The following PDLIM1 variants were observed in gnomAD, a reference collection of about 807,000 sequenced individuals.
The protein encoded by PDLIM1 is PDZ and LIM domain protein 1.
PDLIM1 carries 25 observed loss-of-function variants against 35.2 expected under a neutral mutation model. The ratio of observed to expected loss-of-function variants is 0.71; its 90% CI spans 0.52 to 0.99. The LOEUF (loss-of-function observed/expected upper bound fraction) is 0.99. PDLIM1 is among the 50% of genes least tolerant of loss of function. The pLI is 0.00. For missense variants in PDLIM1, 363 were observed against 415.3 expected (o/e 0.87, Z 1.09); for synonymous variants, 152 against 154.0 (o/e 0.99, Z 0.10).
At chr10:95,274,067 G>A (rs1282060955) in intron 1 of PDLIM1, among the ~76,000 whole-genome samples, 2 of 152,096 alleles carry the variant, frequency 1.3e-5, no homozygotes, top group Non-Finnish European at 2.9e-5. Context: ...GTCCCCTTAG[G>A]ATGAAATCCA....
At chr10:95,256,460 G>A (rs1241721174) in intron 4 of PDLIM1, among the ~76,000 whole-genome samples, 2 of 152,142 alleles carry the variant, frequency 1.3e-5, no homozygotes, top group African/African-American at 4.8e-5. Context: ...CAAAGCTACA[G>A]TAATCAAAAC....
chr10:95,273,724 C>G (rs989953884), intron 1 of PDLIM1, among the ~76,000 whole-genome samples: 1 of 152,172 alleles, frequency 6.6e-6, no homozygotes, highest in Admixed American at 6.5e-5. Flanking sequence ...TGGGACAGGA[C>G]TTTTTATCCA....
intron 5 of PDLIM1, among the ~76,000 whole-genome samples, chr10:95,241,673 G>A (rs539628748): frequency 6.6e-6 from 1 of 152,310 alleles, no homozygotes. Context: ...TTTAGCCAAC[G>A]TGAGCAGATG....
intron 1 of PDLIM1, among the ~76,000 whole-genome samples, chr10:95,285,245 G>A (rs2035592873): frequency 1.3e-5 from 2 of 152,112 alleles, no homozygotes; most frequent in Non-Finnish European, 2.9e-5. Flanking sequence ...GGGAAGGGAG[G>A]TGCTGCTTTC....
At chr10:95,288,900 G>A (rs1196978288) in intron 1 of PDLIM1, among the ~76,000 whole-genome samples, 1 of 152,164 alleles carries the variant, frequency 6.6e-6, no homozygotes, top group Non-Finnish European at 1.5e-5. Context: ...TGAGGCGTTT[G>A]CACAGTTTCT....
At chr10:95,271,806 G>A in intron 1 of PDLIM1, 22 bp from the exon 2 acceptor site, 1 of 1,603,958 alleles carries the variant, frequency 6.2e-7, no homozygotes, top group East Asian at 2.2e-5. Flanking sequence ...GGGGAAAGCA[G>A]GCTAGTTACT....
At position 95,249,287 on chromosome 10, in the gene PDLIM1, C is replaced by A. The variant is rs2035248219; in HGVS notation, c.534-1921G>T. Among the ~76,000 whole-genome samples, 3 of 152,246 alleles carry A rather than the reference C, an allele frequency of 2.0e-5. No homozygotes were observed. The South Asian group carries it at 6.2e-4, about 31-fold the overall frequency. ...GTTGTGCCAGGGACATGGGCAGCCC[C>A]ACCTCCTGGCCCCAGATCACCACCT... On this transcript the variant is annotated intron_variant, in intron 4 of 6. Coordinates refer to ENST00000329399, the MANE Select transcript of PDLIM1 (RefSeq NM_020992.4).
At chr10:95,273,285 T>A (rs955163982) in intron 1 of PDLIM1, 1 of 152,124 alleles carries the variant, frequency 6.6e-6, no homozygotes, top group Non-Finnish European at 1.5e-5. Context: ...TTGAGGAAGA[T>A]CTTATGAACA....
At chr10:95,272,395 T>G (rs1257107856) in intron 1 of PDLIM1, among the ~76,000 whole-genome samples, 1 of 152,198 alleles carries the variant, frequency 6.6e-6, no homozygotes, top group East Asian at 1.9e-4. Flanking sequence ...AAAAAATTGT[T>G]GACCAGGCAT....
intron 1 of PDLIM1, among the ~76,000 whole-genome samples, chr10:95,287,655 AC>A (rs1329009346): frequency 6.6e-6 from 1 of 152,114 alleles, no homozygotes; most frequent in East Asian, 1.9e-4. Flanking sequence ...GGAGAAATTA[AC>A]ATGGAAAATT....
intron 4 of PDLIM1, among the ~76,000 whole-genome samples, chr10:95,253,177 G>C (rs2035281025): frequency 6.6e-6 from 1 of 152,022 alleles, no homozygotes; most frequent in Non-Finnish European, 1.5e-5. Flanking sequence ...AAAGACAGCA[G>C]ATTTCTTATC....
chr10:95,282,553 G>A (rs972594341), intron 1 of PDLIM1, among the ~76,000 whole-genome samples: 2 of 152,174 alleles, frequency 1.3e-5, no homozygotes, highest in Admixed American at 1.3e-4. Flanking sequence ...AAAGAGACGT[G>A]CTGCTCTCTC....
intron 1 of PDLIM1, among the ~76,000 whole-genome samples, chr10:95,280,312 T>G (rs748809529): frequency 6.6e-6 from 1 of 151,976 alleles, no homozygotes; most frequent in African/African-American, 2.4e-5. Flanking sequence ...GAGGCAGAGG[T>G]TGCAATGAGC....
rs760003659 is a variant in PDLIM1, at chr10:95,263,884, CCCG to C, written c.510_512del (p.Ser170_Gly171delinsArg). On this transcript the variant is annotated inframe_deletion, in exon 4 of 7. Transcript: ENST00000329399. ...CTTACGGTCTGCTGTTCGCCTCCACCCCGCTGGCAGCAGTCTTTGACTCCAGGG... is the reference window on the plus strand; with the variant it reads ...CTTACGGTCTGCTGTTCGCCTCCACCCTGGCAGCAGTCTTTGACTCCAGGG... 14 of 1,613,148 alleles carry C rather than the reference CCCG, an allele frequency of 8.7e-6. No individual in the cohort carries two copies. The highest frequency in any genetic ancestry group is 1.1e-5 in the Non-Finnish European group (13 of 1,179,584).
chr10:95,273,247 G>A (rs899753062), intron 1 of PDLIM1: 2 of 152,112 alleles, frequency 1.3e-5, no homozygotes, highest in Non-Finnish European at 1.5e-5. Flanking sequence ...CCACCCTTTG[G>A]AGAAGGCCCT....
At chr10:95,260,076 A>T (rs756960547) in intron 4 of PDLIM1, among the ~76,000 whole-genome samples, 1 of 152,262 alleles carries the variant, frequency 6.6e-6, no homozygotes, top group Non-Finnish European at 1.5e-5. Flanking sequence ...CCTCATGGAA[A>T]CTAAAGTTAG....
chr10:95,283,419 G>C (rs1314669834), intron 1 of PDLIM1, among the ~76,000 whole-genome samples: 2 of 152,160 alleles, frequency 1.3e-5, no homozygotes, highest in Non-Finnish European at 1.5e-5. Flanking sequence ...AGATCTAGCA[G>C]ATATCAAAAA....
chr10:95,263,737 GTGTTCTGCTAA>G, intron 4 of PDLIM1, 116 bp downstream of exon 4: 1 of 627,964 alleles, frequency 1.6e-6, no homozygotes, highest in Non-Finnish European at 2.8e-6. Context: ...GAACACAGAA[GTGTTCTGCTAA>G]TGTAGTCATT....
chr10:95,285,097 C>G (rs1260237839), intron 1 of PDLIM1, among the ~76,000 whole-genome samples: 3 of 152,236 alleles, frequency 2.0e-5, no homozygotes, highest in Non-Finnish European at 4.4e-5. Flanking sequence ...TCCTATCCCC[C>G]ACAAGCAGGT....
Sources: gnomAD v4.1 joint callset for allele counts (sites outside exome capture counted in the v4.1 genomes callset) on GRCh38, gnomAD v4.1.1 for gene constraint, MANE v1.5 for transcripts, NCBI Gene and HGNC (gene_info 2026-07-23, HGNC 2026-07-21) for gene names.